The following CNTNAP2 variants were observed in gnomAD, a reference collection of about 807,000 sequenced individuals.
CNTNAP2 encodes contactin-associated protein-like 2.
A neutral mutation model predicts 155.2 loss-of-function variants in CNTNAP2; 98 were observed. The observed-to-expected ratio is 0.63, with a 90% confidence interval of 0.54 to 0.75. The LOEUF (loss-of-function observed/expected upper bound fraction) is 0.75. Among genes scored for constraint, CNTNAP2 ranks in the 30% least tolerant of loss-of-function variants. The pLI, the probability that CNTNAP2 is intolerant of heterozygous loss-of-function variation, is 0.00. For missense variants in CNTNAP2, 1,727 were observed against 1,688.1 expected, an observed-to-expected ratio of 1.02 and a Z score of -0.40; for synonymous variants, 651 against 631.2, an observed-to-expected ratio of 1.03 and a Z score of -0.47.
At chr7:147,180,443 C>A (rs1802431952) in intron 8 of CNTNAP2, among the ~76,000 whole-genome samples, 1 of 152,110 alleles carries the variant, frequency 6.6e-6, no homozygotes, top group Admixed American at 6.6e-5. Flanking sequence ...GTTCATACTA[C>A]AGTCCCTCTG....
At chr7:147,161,015 G>A (rs1802014221) in intron 8 of CNTNAP2, among the ~76,000 whole-genome samples, 1 of 152,048 alleles carries the variant, frequency 6.6e-6, no homozygotes, top group African/African-American at 2.4e-5. Flanking sequence ...ATTAGACATG[G>A]CCAGAAAGGG....
At chr7:147,747,378 G>A (rs568453832) in intron 13 of CNTNAP2, among the ~76,000 whole-genome samples, 7 of 152,200 alleles carry the variant, frequency 4.6e-5, no homozygotes, top group Admixed American at 1.3e-4. Flanking sequence ...CAAGTTGATT[G>A]AACTCTACTC....
At chr7:148,277,135 C>T (rs2116854250) in intron 21 of CNTNAP2, among the ~76,000 whole-genome samples, 1 of 152,274 alleles carries the variant, frequency 6.6e-6, no homozygotes, top group Middle Eastern at 3.4e-3. Flanking sequence ...AGCAACATGT[C>T]TAGCTTTAGC....
At chr7:146,238,650 G>C (rs749889992) in intron 1 of CNTNAP2, among the ~76,000 whole-genome samples, 3 of 152,164 alleles carry the variant, frequency 2.0e-5, no homozygotes, top group Non-Finnish European at 4.4e-5. Flanking sequence ...AGAAACACGA[G>C]AGTATTATGC....
intron 12 of CNTNAP2, among the ~76,000 whole-genome samples, chr7:147,612,674 T>A (rs1011284301): frequency 1.5e-4 from 23 of 152,180 alleles, no homozygotes; most frequent in Non-Finnish European, 2.6e-4. Flanking sequence ...GTGCAGGAAT[T>A]ACAGGCGTGA....
At chr7:146,714,591 A>G (rs780732619) in intron 1 of CNTNAP2, among the ~76,000 whole-genome samples, 1 of 152,212 alleles carries the variant, frequency 6.6e-6, no homozygotes, top group Non-Finnish European at 1.5e-5. Flanking sequence ...TTTTTCTTGA[A>G]GTGTATACCT....
At chr7:147,064,406 T>C (rs1305370194) in intron 4 of CNTNAP2, among the ~76,000 whole-genome samples, 1 of 152,202 alleles carries the variant, frequency 6.6e-6, no homozygotes, top group Middle Eastern at 3.2e-3. Context: ...CTCCATTGTA[T>C]AACAAGAGGC....
chr7:148,309,143 A>T (rs890372617), intron 21 of CNTNAP2, among the ~76,000 whole-genome samples: 4 of 152,200 alleles, frequency 2.6e-5, no homozygotes, highest in Admixed American at 2.0e-4. Flanking sequence ...ATTCTTGAGG[A>T]ATCTCCACAA....
At chr7:146,476,949 A>G (rs1016975449) in intron 1 of CNTNAP2, among the ~76,000 whole-genome samples, 2 of 152,336 alleles carry the variant, frequency 1.3e-5, no homozygotes, top group East Asian at 3.9e-4. Context: ...GAATAAAATT[A>G]TGGATACTAT....
chr7:146,993,189 C>T (rs1798241271), intron 3 of CNTNAP2, among the ~76,000 whole-genome samples: 1 of 152,214 alleles, frequency 6.6e-6, no homozygotes, highest in Admixed American at 6.5e-5. Flanking sequence ...GATCAAGTGC[C>T]CTATTTGACC....
intron 21 of CNTNAP2, among the ~76,000 whole-genome samples, chr7:148,370,681 C>T (rs1563062194): frequency 6.6e-6 from 1 of 151,594 alleles, no homozygotes; most frequent in Admixed American, 6.6e-5. Flanking sequence ...ACCCCACCAG[C>T]TGGAATGACA....
At chr7:148,399,555 T>C (rs1799540315) in intron 22 of CNTNAP2, among the ~76,000 whole-genome samples, 1 of 152,254 alleles carries the variant, frequency 6.6e-6, no homozygotes, top group African/African-American at 2.4e-5. Context: ...CTTGTATTTT[T>C]GCTTTGAACC....
intron 13 of CNTNAP2, among the ~76,000 whole-genome samples, chr7:147,829,092 A>G (rs1220181869): frequency 1.3e-5 from 2 of 152,192 alleles, no homozygotes; most frequent in African/African-American, 2.4e-5. Flanking sequence ...AGTGTGTCCC[A>G]GTGACTGAAC....
chr7:146,289,598 C>A (rs1391101080), intron 1 of CNTNAP2, among the ~76,000 whole-genome samples: 1 of 151,998 alleles, frequency 6.6e-6, no homozygotes, highest in East Asian at 1.9e-4. Context: ...CAAATTAAGC[C>A]CTGCTGTCTG....
chr7:148,046,094 T>A (rs986759985), intron 15 of CNTNAP2, among the ~76,000 whole-genome samples: 2 of 152,212 alleles, frequency 1.3e-5, no homozygotes, highest in African/African-American at 4.8e-5. Flanking sequence ...TTTTTGTTTT[T>A]GTTTGAGGCA....
intron 2 of CNTNAP2, among the ~76,000 whole-genome samples, chr7:146,817,116 A>C (rs935125731): frequency 1.3e-5 from 2 of 152,166 alleles, no homozygotes; most frequent in African/African-American, 4.8e-5. Flanking sequence ...TAGAATAGAA[A>C]GGAAAACCCT....
At chr7:147,678,681 A>G (rs1795904436) in intron 13 of CNTNAP2, among the ~76,000 whole-genome samples, 1 of 151,918 alleles carries the variant, frequency 6.6e-6, no homozygotes, top group Non-Finnish European at 1.5e-5. Context: ...TTTTAATTTT[A>G]CTGTCTTCAC....
rs72526174 is a variant in CNTNAP2 at position 147,762,155 on chromosome 7, T to TCACACACACACACA, written c.2098+122869_2098+122882dup. On this transcript the variant is annotated intron_variant, in intron 13 of 23. Coordinates refer to ENST00000361727, the MANE Select transcript of CNTNAP2 (RefSeq NM_014141.6). ...GTTTCTCTCTCTCTCTCTCTCTGTCTCACACACACACACACACACACACAC... is the reference window on the plus strand; with the variant it reads ...GTTTCTCTCTCTCTCTCTCTCTGTCTCACACACACACACACACACACACACACACACACACACAC... Among the ~76,000 whole-genome samples, 146 of 144,442 alleles carry TCACACACACACACA rather than the reference T, an allele frequency of 1.0e-3. 1 individual carries two copies. The highest frequency in any genetic ancestry group is 3.5e-3 in the Middle Eastern group (1 of 284). 94.8% of individuals were successfully genotyped at this position (144,442 alleles called of 152,430 possible).
At chr7:146,174,803 A>G (rs1312828656) in intron 1 of CNTNAP2, among the ~76,000 whole-genome samples, 2 of 152,096 alleles carry the variant, frequency 1.3e-5, no homozygotes, top group Non-Finnish European at 2.9e-5. Context: ...AGATCACTCC[A>G]CTGCACTCCA....
Sources: gnomAD v4.1 joint callset for allele counts (sites outside exome capture counted in the v4.1 genomes callset) on GRCh38, gnomAD v4.1.1 for gene constraint, MANE v1.5 for transcripts, NCBI Gene and HGNC (gene_info 2026-07-23, HGNC 2026-07-21) for gene names.